CNPY1: variants seen among roughly 807,000 people sequenced by gnomAD.
The protein encoded by CNPY1 is canopy FGF signaling regulator 1.
Under a neutral mutation model 14.4 loss-of-function variants are expected in CNPY1, and 14 were observed. The observed-to-expected ratio is 0.97, with a 90% CI of 0.64 to 1.52. CNPY1 has a LOEUF of 1.52. Ranked by LOEUF, CNPY1 falls within the 40% of genes most tolerant of loss-of-function variation. The probability of loss-of-function intolerance (pLI) is 0.00; values close to 1 mark genes in which losing one functional copy is unlikely to be tolerated. For missense variants in CNPY1, 129 were observed against 131.5 expected (o/e 0.98, Z 0.09); for synonymous variants, 43 against 46.5 (o/e 0.92, Z 0.31).
rs1797029718 is a variant in CNPY1, at chr7:155,536,776, C to G, written c.99+9055G>C. ...AACCCACACTAGACTACGACATGAGCAAGAAGTCAACTCTCAACGCTCGTG... is the reference window on the plus strand; with the variant it reads ...AACCCACACTAGACTACGACATGAGGAAGAAGTCAACTCTCAACGCTCGTG... On this transcript the variant is annotated intron_variant, in intron 2 of 4. Transcript: ENST00000636446. This position sits in a 1 kb window ranked among gnomAD's most constrained non-coding sequence, Gnocchi z 4.1. Among the ~76,000 whole-genome samples, 1 of 152,302 alleles carries G rather than the reference C, an allele frequency of 6.6e-6. No individual in the cohort carries two copies. The highest frequency in any genetic ancestry group is 2.1e-4 in the South Asian group (1 of 4,828).
intron 2 of CNPY1, among the ~76,000 whole-genome samples, chr7:155,509,847 C>T (rs1300050034): frequency 6.6e-6 from 1 of 152,224 alleles, no homozygotes; most frequent in African/African-American, 2.4e-5. Context: ...TTGGCCACCA[C>T]CTCCGCCCCG....
chr7:155,520,257 G>C (rs575918321), intron 2 of CNPY1, among the ~76,000 whole-genome samples: 2 of 152,204 alleles, frequency 1.3e-5, no homozygotes, highest in East Asian at 3.9e-4. Flanking sequence ...GAAACCTCTG[G>C]CTCTTGTTTA....
At chr7:155,505,045 T>G (rs918168449) in intron 4 of CNPY1, among the ~76,000 whole-genome samples, 2 of 152,242 alleles carry the variant, frequency 1.3e-5, no homozygotes, top group African/African-American at 4.8e-5. Flanking sequence ...ATTGTTCAGT[T>G]TGAAGAAGCT....
rs1554449561 is a variant in CNPY1, at chr7:155,527,030, T to TTCTTCTTTCTTTCTTTCTTTC, written c.100-17934_100-17933insGAAAGAAAGAAAGAAAGAAGA. On this transcript the variant is annotated intron_variant, in intron 2 of 4. Transcript: ENST00000636446. ...TAGGCAGCCATGCTTTTCTTTTCTT[T>TTCTTCTTTCTTTCTTTCTTTC]TTTCTTTCTTTCTTTCTTTCTTTCT... Among the ~76,000 whole-genome samples the TTCTTCTTTCTTTCTTTCTTTC allele has an allele frequency of 3.6e-5, 3 of 83,270 alleles. No individual in the cohort carries two copies. The East Asian group carries it at 1.1e-3, about 31-fold the overall frequency. The allele number at this position is 83,270 out of a possible 152,430, so 54.6% of individuals were successfully genotyped here. A position where few individuals can be genotyped will look rare whatever the true frequency, so the allele number is the denominator to read the frequency against.
intron 4 of CNPY1, chr7:155,506,653 G>A (rs980766154): frequency 4.9e-6 from 1 of 202,526 alleles, no homozygotes; most frequent in African/African-American, 2.4e-5. Flanking sequence ...GCCATGAAGT[G>A]AGGGTCTCCT....
chr7:155,514,173 C>T (rs1394262019), intron 2 of CNPY1, among the ~76,000 whole-genome samples: 1 of 152,232 alleles, frequency 6.6e-6, no homozygotes, highest in Non-Finnish European at 1.5e-5. Context: ...CGAATGTGTT[C>T]ATTCATTCAA....
chr7:155,517,947 C>T lies in CNPY1; in HGVS notation c.100-8850G>A, dbSNP rs529591228. On this transcript the variant is annotated intron_variant, in intron 2 of 4. Coordinates refer to ENST00000636446, the MANE Select transcript of CNPY1 (RefSeq NM_001393663.1). ...TAGATCTTAAACACCTTTAAAGTGG[C>T]AGGCATTTAAGCAGCACAGTGATTT... is the stretch of plus-strand genomic sequence containing the variant. 2.0e-5 allele frequency among the ~76,000 whole-genome samples: 3 copies of T among 152,330 alleles called. No homozygotes were observed. In the South Asian group the frequency reaches 6.2e-4, roughly 32 times the overall value.
chr7:155,514,966 A>G (rs1796588790), intron 2 of CNPY1, among the ~76,000 whole-genome samples: 1 of 152,188 alleles, frequency 6.6e-6, no homozygotes, highest in Admixed American at 6.5e-5. Flanking sequence ...GGACAAATGA[A>G]CTGGATGATG....
At chr7:155,528,591 G>A (rs775979157) in intron 2 of CNPY1, among the ~76,000 whole-genome samples, 7 of 152,200 alleles carry the variant, frequency 4.6e-5, no homozygotes, top group Non-Finnish European at 7.3e-5. Context: ...CCCTGTCCCC[G>A]CATAGGCAGG....
At chr7:155,517,625 C>T (rs535872881) in intron 2 of CNPY1, among the ~76,000 whole-genome samples, 2 of 152,302 alleles carry the variant, frequency 1.3e-5, no homozygotes, top group Admixed American at 1.3e-4. Context: ...TGCAGGGCTG[C>T]ACCTGCACAT....
intron 2 of CNPY1, among the ~76,000 whole-genome samples, chr7:155,521,581 A>G (rs957435828): frequency 5.9e-5 from 9 of 152,232 alleles, no homozygotes; most frequent in African/African-American, 2.2e-4. Context: ...TCTTATACAG[A>G]GTCCCTGGGC....
At chr7:155,531,539 G>C (rs569595756) in intron 2 of CNPY1, among the ~76,000 whole-genome samples, 34 of 152,338 alleles carry the variant, frequency 2.2e-4, no homozygotes, top group Admixed American at 5.9e-4. Flanking sequence ...GCTGCTCAAA[G>C]TGGGTCCTTC....
chr7:155,537,009 G>A (rs911875012), intron 2 of CNPY1, among the ~76,000 whole-genome samples: 1 of 152,254 alleles, frequency 6.6e-6, no homozygotes, highest in Non-Finnish European at 1.5e-5. Context: ...TCCTAGGGAT[G>A]TAAGGACCAG....
At chr7:155,540,840 T>C (rs183503223) in intron 2 of CNPY1, among the ~76,000 whole-genome samples, 140 of 152,320 alleles carry the variant, frequency 9.2e-4, no homozygotes, top group Non-Finnish European at 1.6e-3. Context: ...CAGCAGTGCA[T>C]GCGTACCCTC....
chr7:155,511,654 A>G (rs1245190252), intron 2 of CNPY1, among the ~76,000 whole-genome samples: 1 of 152,164 alleles, frequency 6.6e-6, no homozygotes, highest in East Asian at 1.9e-4. Flanking sequence ...TGGCTTTTTG[A>G]TGTGATTCGC....
At chr7:155,539,430 A>G (rs1312762942) in intron 2 of CNPY1, among the ~76,000 whole-genome samples, 1 of 152,150 alleles carries the variant, frequency 6.6e-6, no homozygotes, top group Non-Finnish European at 1.5e-5. Context: ...ATGGCCCTCT[A>G]GCGAGTAGGA....
At chr7:155,531,617 C>T (rs890672470) in intron 2 of CNPY1, among the ~76,000 whole-genome samples, 2 of 152,188 alleles carry the variant, frequency 1.3e-5, no homozygotes, top group African/African-American at 4.8e-5. Flanking sequence ...CACAGAGACA[C>T]AGCCAGCGTT....
chr7:155,513,287 C>T (rs759916612), intron 2 of CNPY1, among the ~76,000 whole-genome samples: 21 of 152,066 alleles, frequency 1.4e-4, no homozygotes, highest in African/African-American at 3.9e-4. Context: ...TGCATCTGGA[C>T]GTAATAAGAG....
intron 2 of CNPY1, among the ~76,000 whole-genome samples, chr7:155,545,310 G>A (rs1221972499): frequency 6.6e-6 from 1 of 152,202 alleles, no homozygotes; most frequent in East Asian, 1.9e-4. Context: ...CACCCTTCCA[G>A]CGCCCCACTC....
Sources: gnomAD v4.1 joint callset for allele counts (sites outside exome capture counted in the v4.1 genomes callset) on GRCh38, gnomAD v4.1.1 for gene constraint, Gnocchi (gnomAD v3.1) non-coding constraint, MANE v1.5 for transcripts, NCBI Gene and HGNC (gene_info 2026-07-23, HGNC 2026-07-21) for gene names.